The following VRK2 variants were observed in gnomAD, a reference collection of about 807,000 sequenced individuals.
VRK2 encodes the protein VRK serine/threonine kinase 2.
VRK2 carries 60 observed loss-of-function variants against 57.6 expected under a neutral mutation model. That is an observed-to-expected ratio of 1.04 (90% CI 0.85 to 1.29). The LOEUF (loss-of-function observed/expected upper bound fraction) is 1.29, where lower values mean the gene tolerates loss of function less well. Ranked by LOEUF, VRK2 falls within the 50% of genes most tolerant of loss-of-function variation. The pLI, the probability that VRK2 is intolerant of heterozygous loss-of-function variation, is 0.00. For missense variants in VRK2, 705 were observed against 588.1 expected (o/e 1.20, Z -2.06); for synonymous variants, 231 against 199.2 (o/e 1.16, Z -1.35).
At chr2:57,959,472 T>C (rs910001304) in intron 1 of VRK2, among the ~76,000 whole-genome samples, 1 of 152,176 alleles carries the variant, frequency 6.6e-6, no homozygotes, top group Admixed American at 6.5e-5. Flanking sequence ...TTGGCTCTCC[T>C]GGAGGGATAG....
chr2:57,958,862 A>T (rs1671669060), intron 1 of VRK2, among the ~76,000 whole-genome samples: 1 of 152,162 alleles, frequency 6.6e-6, no homozygotes, highest in African/African-American at 2.4e-5. Flanking sequence ...ACAGTCTTGG[A>T]CTCAGGGCAT....
At chr2:58,033,090 T>C (rs1674165916) in intron 2 of VRK2, 3 of 152,094 alleles carry the variant, frequency 2.0e-5, no homozygotes, top group Admixed American at 2.0e-4. Context: ...GCATATGTGT[T>C]CTGACATTTA....
chr2:58,021,780 A>G (rs1021173896), intron 1 of VRK2, among the ~76,000 whole-genome samples: 5 of 152,152 alleles, frequency 3.3e-5, no homozygotes, highest in African/African-American at 1.2e-4. Flanking sequence ...ACAATTGGCT[A>G]CCGAAACCTA....
chr2:58,068,303 C>A (rs1252521610), intron 2 of VRK2, among the ~76,000 whole-genome samples: 1 of 152,104 alleles, frequency 6.6e-6, no homozygotes, highest in African/African-American at 2.4e-5. Flanking sequence ...AGAATGTCTT[C>A]ATTTAGTTTC....
At chr2:58,090,591 A>G (rs764889327) in intron 7 of VRK2, among the ~76,000 whole-genome samples, 40 of 152,130 alleles carry the variant, frequency 2.6e-4, no homozygotes, top group Admixed American at 1.0e-3. Context: ...TTTGTTGCTC[A>G]TGGAAATTTG....
chr2:58,081,880 G>A (rs1670930109), intron 2 of VRK2, among the ~76,000 whole-genome samples: 1 of 151,308 alleles, frequency 6.6e-6, no homozygotes, highest in South Asian at 2.1e-4. Flanking sequence ...GTGTGTGTGT[G>A]TGTGTGTGTG....
chr2:58,136,604 T>A (rs1680048729), intron 10 of VRK2, among the ~76,000 whole-genome samples: 1 of 151,682 alleles, frequency 6.6e-6, no homozygotes, highest in African/African-American at 2.4e-5. Flanking sequence ...AGGCCTGGTC[T>A]CAAACTCCTG....
At position 58,078,761 on chromosome 2, in the gene VRK2, A is replaced by G. The variant is rs562160170; in HGVS notation, c.137-5328A>G. Among the ~76,000 whole-genome samples the G allele has an allele frequency of 2.1e-3, 315 of 152,272 alleles. 1 individual carries two copies. The highest frequency in any genetic ancestry group is 3.7e-3 in the Non-Finnish European group (254 of 68,014). On this transcript the variant is annotated intron_variant, in intron 2 of 12. Coordinates refer to ENST00000340157, the MANE Select transcript of VRK2 (RefSeq NM_006296.7). ...TTTGATTTGCGTTTTTCTAATGATT[A>G]GTGGTGTTGAGCATGTTTTCATATG...
chr2:58,010,463 C>T (rs765847281), intron 1 of VRK2, among the ~76,000 whole-genome samples: 1 of 151,902 alleles, frequency 6.6e-6, no homozygotes, highest in Non-Finnish European at 1.5e-5. Context: ...GTTAGTGTCC[C>T]CTACTCACCC....
At chr2:58,004,813 T>C (rs1243424313) in intron 1 of VRK2, among the ~76,000 whole-genome samples, 1 of 152,184 alleles carries the variant, frequency 6.6e-6, no homozygotes, top group African/African-American at 2.4e-5. Context: ...TTTAGTGAAA[T>C]ATCAAAAAAT....
At chr2:58,152,446 G>A (rs1683211812) in intron 12 of VRK2, among the ~76,000 whole-genome samples, 1 of 151,764 alleles carries the variant, frequency 6.6e-6, no homozygotes, top group Non-Finnish European at 1.5e-5. Flanking sequence ...ATTTCAGAAT[G>A]CATTGGTATT....
In VRK2 at chr2:58,139,804, T is replaced by TA; in HGVS notation, c.998dup (p.Asn333LysfsTer11). 1 of 1,612,684 alleles carries TA rather than the reference T, an allele frequency of 6.2e-7. No homozygotes were observed. On this transcript the variant is annotated frameshift_variant, in exon 11 of 13. Coordinates refer to ENST00000340157, the MANE Select transcript of VRK2 (RefSeq NM_006296.7). LOFTEE classifies it high-confidence loss of function. ...GACTTTTCCACAAAAGGACAGAGTA[T>TA]AAATGTCCATACTCCAAACAGTCAA...
intron 1 of VRK2, among the ~76,000 whole-genome samples, chr2:57,957,029 T>C (rs891739597): frequency 3.3e-5 from 5 of 152,094 alleles, no homozygotes; most frequent in African/African-American, 1.2e-4. Flanking sequence ...CTTGATTCCT[T>C]AGGAAATTAT....
chr2:58,081,811 G>A (rs1480297297), intron 2 of VRK2, among the ~76,000 whole-genome samples: 1 of 150,766 alleles, frequency 6.6e-6, no homozygotes, highest in Non-Finnish European at 1.5e-5. Flanking sequence ...TATAATCCAA[G>A]ACATCTTAGA....
rs1299967822 is a variant in VRK2, at chr2:57,976,924, A to G, written c.-438-48741A>G. On this transcript the variant is annotated intron_variant, in intron 1 of 15. Transcript: ENST00000417641. ...TGGTGAAAGAAAGGGAATCAGTTTC[A>G]ATCTTCTGTACATGGCTAGCCAGTT... Among the ~76,000 whole-genome samples the G allele has an allele frequency of 4.6e-5, 7 of 152,276 alleles. No homozygotes were observed. The East Asian group carries it at 1.4e-3, about 29-fold the overall frequency.
intron 1 of VRK2, among the ~76,000 whole-genome samples, chr2:57,966,961 G>A (rs2104011679): frequency 6.6e-6 from 1 of 152,260 alleles, no homozygotes; most frequent in Middle Eastern, 3.4e-3. Flanking sequence ...TGATCAGCAG[G>A]AGAGAGTCTA....
chr2:57,921,298 AC>A (rs1670338539), intron 1 of VRK2, among the ~76,000 whole-genome samples: 1 of 151,476 alleles, frequency 6.6e-6, no homozygotes, highest in African/African-American at 2.4e-5. Context: ...ACACACACAC[AC>A]ACACACACAC....
intron 1 of VRK2, among the ~76,000 whole-genome samples, chr2:57,935,242 A>C (rs376424969): frequency 6.6e-6 from 1 of 152,088 alleles, no homozygotes; most frequent in African/African-American, 2.4e-5. Flanking sequence ...TGCCTTCATC[A>C]GTCAGCCCAG....
intron 1 of VRK2, among the ~76,000 whole-genome samples, chr2:57,931,197 A>AT (rs1371977115): frequency 6.6e-6 from 1 of 151,772 alleles, no homozygotes; most frequent in Non-Finnish European, 1.5e-5. Context: ...TTTATTTTTG[A>AT]TTTTTTGAGG....
Sources: allele counts gnomAD v4.1 joint callset (sites outside exome capture counted in the v4.1 genomes callset), GRCh38; gene constraint gnomAD v4.1.1; transcripts MANE v1.5; gene names NCBI Gene and HGNC (gene_info 2026-07-23, HGNC 2026-07-21).